The following CHD2 variants were observed in gnomAD, a reference collection of about 807,000 sequenced individuals.
The protein encoded by CHD2 is chromodomain helicase DNA binding protein 2.
A neutral mutation model predicts 243.9 loss-of-function variants in CHD2; 28 were observed. That is an observed-to-expected ratio of 0.11 (90% CI 0.09 to 0.16). The LOEUF is 0.16. Among genes scored for constraint, CHD2 ranks in the 10% least tolerant of loss-of-function variants. The probability of loss-of-function intolerance (pLI) is 1.00; values close to 1 mark genes in which losing one functional copy is unlikely to be tolerated. For missense variants in CHD2, 1,386 were observed against 2,209.8 expected (o/e 0.63, Z 7.47); for synonymous variants, 775 against 779.0 (o/e 0.99, Z 0.09).
intron 28 of CHD2, among the ~76,000 whole-genome samples, chr15:92,996,061 G>A (rs1596446249): frequency 6.6e-6 from 1 of 152,116 alleles, no homozygotes; most frequent in Non-Finnish European, 1.5e-5. Context: ...CCTCTCACAG[G>A]TAGCATTATC....
intron 13 of CHD2, among the ~76,000 whole-genome samples, chr15:92,949,625 G>GA (rs1278403945): frequency 6.6e-6 from 1 of 151,972 alleles, no homozygotes; most frequent in African/African-American, 2.4e-5. Context: ...TTGGGGGGGT[G>GA]AAAAAAAGAT....
Position 92,998,161 on chromosome 15 carries a change from C to T in CHD2, c.3886-338C>T. ...AGCTTTAACCTAGCTCCAGGGATTC[C>T]CTGCTCCTGGAAGGAGGAAATCCAC... On this transcript the variant is annotated intron_variant, in intron 30 of 38. Coordinates refer to ENST00000394196, the MANE Select transcript of CHD2 (RefSeq NM_001271.4). The surrounding 1 kb of genome is among the most constrained non-coding windows in gnomAD (Gnocchi z 5.1). The T allele has an allele frequency of 1.9e-6, 2 of 1,028,132 alleles. No homozygotes were observed. The highest frequency in any genetic ancestry group is 2.3e-6 in the Non-Finnish European group (2 of 856,554). 63.7% of individuals were successfully genotyped at this position (1,028,132 alleles called of 1,614,324 possible).
Position 92,946,160 on chromosome 15 carries a change from A to T in CHD2, c.1321A>T (p.Ile441Phe), listed in dbSNP as rs763586960. The change falls in exon 12 of 39, where the codon ATT becomes TTT. Residue 441 changes from isoleucine (I) to phenylalanine (F), a missense_variant. Transcript: ENST00000394196. The stretch of plus-strand genomic sequence containing the variant: ...CATTGGAAAGAAATTCCAGAATTGC[A>T]TTGACAGCTTCCACAGTAGGAACAA... ...ALIGKKFQNC[I>F]DSFHSRNNSK... 1.5e-5 allele frequency: 25 copies of T among 1,613,886 alleles called. 1 individual carries two copies. The South Asian group carries it at 2.7e-4, about 18-fold the overall frequency.
chr15:92,990,710 T>TA (rs2054106568), intron 26 of CHD2, among the ~76,000 whole-genome samples: 1 of 152,206 alleles, frequency 6.6e-6, no homozygotes, highest in East Asian at 1.9e-4. Context: ...ATTTTTCCCT[T>TA]AGCATCTGTC....
chr15:92,955,999 C>G (rs976784591), intron 15 of CHD2, among the ~76,000 whole-genome samples: 1 of 152,084 alleles, frequency 6.6e-6, no homozygotes, highest in Non-Finnish European at 1.5e-5. Context: ...CTTTAAATAC[C>G]GCCTTTCTGC....
intron 37 of CHD2, among the ~76,000 whole-genome samples, chr15:93,016,277 C>T (rs1238191514): frequency 6.6e-6 from 1 of 152,164 alleles, no homozygotes; most frequent in Non-Finnish European, 1.5e-5. Context: ...ACTGCATATT[C>T]TCACTTACGT....
At chr15:92,934,926 G>T (rs187047399) in intron 5 of CHD2, among the ~76,000 whole-genome samples, 6 of 152,242 alleles carry the variant, frequency 3.9e-5, no homozygotes, top group African/African-American at 1.4e-4. Context: ...CAGGGCTGAG[G>T]GTTGGTGATA....
chr15:92,932,612 A>G (rs1031673336), intron 5 of CHD2, among the ~76,000 whole-genome samples: 33 of 152,054 alleles, frequency 2.2e-4, no homozygotes, highest in African/African-American at 7.7e-4. Flanking sequence ...GTCCTTACAA[A>G]GGACATGTCT....
intron 3 of CHD2, 72 bp from the exon 4 acceptor site, chr15:92,927,172 T>C: frequency 1.8e-6 from 2 of 1,089,186 alleles, no homozygotes; most frequent in Non-Finnish European, 2.8e-6. Flanking sequence ...TTCTCTTCAA[T>C]TGCAATAAAC....
At chr15:92,922,889 C>G (rs1157105729) in intron 2 of CHD2, among the ~76,000 whole-genome samples, 2 of 152,142 alleles carry the variant, frequency 1.3e-5, no homozygotes, top group Non-Finnish European at 2.9e-5. Context: ...GATTGATACT[C>G]TATCACCCCT....
At chr15:92,960,098 C>A (rs919831968) in intron 16 of CHD2, among the ~76,000 whole-genome samples, 1 of 152,052 alleles carries the variant, frequency 6.6e-6, no homozygotes, top group Non-Finnish European at 1.5e-5. Flanking sequence ...TCAAAATATT[C>A]TTTTAATTCT....
At chr15:92,912,443 GC>G (rs546146530) in intron 2 of CHD2, among the ~76,000 whole-genome samples, 1 of 152,190 alleles carries the variant, frequency 6.6e-6, no homozygotes, top group South Asian at 2.1e-4. Flanking sequence ...TGTAACCTCT[GC>G]CCCCTGGGTT....
intron 2 of CHD2, among the ~76,000 whole-genome samples, chr15:92,923,804 TC>T (rs1316206742): frequency 2.0e-5 from 3 of 152,132 alleles, no homozygotes; most frequent in African/African-American, 7.2e-5. Context: ...GACCTCGTGA[TC>T]CGCCCGCCTC....
rs1219262907 is a variant in CHD2 at position 92,972,623 on chromosome 15, G to C, written c.2505+206G>C. On this transcript the variant is annotated intron_variant, in intron 19 of 38. Coordinates refer to ENST00000394196, the MANE Select transcript of CHD2 (RefSeq NM_001271.4). ...TCCCAGCACTTTGGGAGGCCGAGGCGGGCGGATCACGAGGTCAGGAGATCA... is the reference window on the plus strand; with the variant it reads ...TCCCAGCACTTTGGGAGGCCGAGGCCGGCGGATCACGAGGTCAGGAGATCA... Among the ~76,000 whole-genome samples, 11 of 10,872 alleles carry C rather than the reference G, an allele frequency of 1.0e-3. 5 individuals carry two copies. The highest frequency in any genetic ancestry group is 4.4e-3 in the Non-Finnish European group (9 of 2,030). The allele number at this position is 10,872 out of a possible 152,430, so 7.1% of individuals were successfully genotyped here. A position where few individuals can be genotyped will look rare whatever the true frequency, so the allele number is the denominator to read the frequency against.
chr15:92,993,096 A>C, intron 28 of CHD2, 98 bp downstream of exon 28: 1 of 1,249,316 alleles, frequency 8.0e-7, no homozygotes, highest in South Asian at 1.3e-5. Context: ...TGAGGACCAC[A>C]CATGCCTAGT....
At chr15:92,999,906 T>TA (rs1161125059) in intron 31 of CHD2, among the ~76,000 whole-genome samples, 1 of 152,086 alleles carries the variant, frequency 6.6e-6, no homozygotes, top group African/African-American at 2.4e-5. Flanking sequence ...TTTCCTTTTT[T>TA]AAAAAAAATT....
intron 17 of CHD2, among the ~76,000 whole-genome samples, chr15:92,968,117 A>T (rs2053791331): frequency 7.8e-6 from 1 of 128,004 alleles, no homozygotes; most frequent in Non-Finnish European, 1.7e-5. Flanking sequence ...GTATATTTTA[A>T]TCAATTTATT....
At chr15:92,919,581 G>A (rs943193124) in intron 2 of CHD2, among the ~76,000 whole-genome samples, 2 of 151,780 alleles carry the variant, frequency 1.3e-5, no homozygotes, top group Admixed American at 6.6e-5. Context: ...TAGTAGAGAT[G>A]GGGTTTCACC....
rs71467751 is a variant in CHD2, at chr15:93,016,779, C to CAAAAACAAAAA, written c.4906+1875_4906+1876insCAAAAAAAAAA. On this transcript the variant is annotated intron_variant, in intron 37 of 38. Transcript: ENST00000394196. ...TCTGGGCAATAGAGTGAGACCGTCT[C>CAAAAACAAAAA]AAAAAAAAAAAAAAATTGCAGTTTT... Among the ~76,000 whole-genome samples the CAAAAACAAAAA allele has an allele frequency of 1.3e-4, 10 of 77,982 alleles. No homozygotes were observed. In the East Asian group the frequency reaches 4.7e-3, roughly 37 times the overall value. The allele number at this position is 77,982 out of a possible 152,430, so 51.2% of individuals were successfully genotyped here. A position where few individuals can be genotyped will look rare whatever the true frequency, so the allele number is the denominator to read the frequency against.
Sources: gnomAD v4.1 joint callset for allele counts (sites outside exome capture counted in the v4.1 genomes callset) on GRCh38, gnomAD v4.1.1 for gene constraint, Gnocchi (gnomAD v3.1) non-coding constraint, MANE v1.5 for transcripts, NCBI Gene and HGNC (gene_info 2026-07-23, HGNC 2026-07-21) for gene names.